Variants in KIF26B observed in about 807,000 individuals in gnomAD.
The protein encoded by KIF26B is kinesin-like protein KIF26B.
KIF26B carries 63 observed loss-of-function variants against 151.2 expected under a neutral mutation model. The ratio of observed to expected loss-of-function variants is 0.42; its 90% confidence interval spans 0.34 to 0.51. KIF26B has a LOEUF of 0.51. KIF26B is among the 20% of genes least tolerant of loss of function. The probability of loss-of-function intolerance (pLI) is 0.07; values close to 1 mark genes in which losing one functional copy is unlikely to be tolerated. For missense variants in KIF26B, 2,813 were observed against 2,913.6 expected (o/e 0.97, Z 0.79); for synonymous variants, 1,357 against 1,262.1 (o/e 1.08, Z -1.59).
chr1:245,371,786 A>C (rs1398876052), intron 3 of KIF26B: 1 of 151,984 alleles, frequency 6.6e-6, no homozygotes, highest in Non-Finnish European at 1.5e-5. Context: ...AGGAACCTGT[A>C]AGCATCACAG....
rs3008474 is a variant in KIF26B at position 245,244,641 on chromosome 1, G to A, written c.465+87958G>A. 0.98 allele frequency among the ~76,000 whole-genome samples: 148,516 copies of A among 152,148 alleles called. 72,569 individuals are homozygous for A. Among genetic ancestry groups the A allele is most frequent in the Non-Finnish European group, 1 (67,988 of 68,024 alleles). ...ACCCTCCCCTCCCCTGACTTCCAATGTGACACCCGTCTTCTCTGTCCTCTC... is the reference window on the plus strand; with the variant it reads ...ACCCTCCCCTCCCCTGACTTCCAATATGACACCCGTCTTCTCTGTCCTCTC... On this transcript the variant is annotated intron_variant, in intron 2 of 14. Transcript: ENST00000407071. The surrounding 1 kb of genome is among the most constrained non-coding windows in gnomAD (Gnocchi z 4.2).
intron 4 of KIF26B, among the ~76,000 whole-genome samples, chr1:245,461,933 G>A (rs974050009): frequency 6.6e-6 from 1 of 152,090 alleles, no homozygotes; most frequent in Non-Finnish European, 1.5e-5. Flanking sequence ...TGGCAACATG[G>A]TGAGACCCTG....
intron 2 of KIF26B, among the ~76,000 whole-genome samples, chr1:245,216,869 T>C (rs1669657069): frequency 6.6e-6 from 1 of 152,240 alleles, no homozygotes; most frequent in African/African-American, 2.4e-5. Flanking sequence ...TGCAGTTTTT[T>C]GAAGTGTTTA....
At chr1:245,566,863 G>A (rs1267232886) in intron 5 of KIF26B, among the ~76,000 whole-genome samples, 3 of 152,194 alleles carry the variant, frequency 2.0e-5, no homozygotes, top group Non-Finnish European at 1.5e-5. Flanking sequence ...GGAGATGGAG[G>A]TTGCAGAAAG....
At chr1:245,544,792 G>A (rs1661701114) in intron 5 of KIF26B, among the ~76,000 whole-genome samples, 1 of 152,200 alleles carries the variant, frequency 6.6e-6, no homozygotes, top group Admixed American at 6.5e-5. Flanking sequence ...AGGATTGGGA[G>A]AGGAAGGGGA....
In KIF26B at chr1:245,667,398, C is replaced by T. The variant is rs1476068683; in HGVS notation, c.2259-16835C>T. ...TTCGCCATGTGTCCCAGGCTGGTCT[C>T]AAACTCCTGGATTCAGACAATCTGC... On this transcript the variant is annotated intron_variant, in intron 10 of 14. Coordinates refer to ENST00000407071, the MANE Select transcript of KIF26B (RefSeq NM_018012.4). The surrounding 1 kb of genome is among the most constrained non-coding windows in gnomAD (Gnocchi z 4.3). Among the ~76,000 whole-genome samples the T allele has an allele frequency of 6.6e-6, 1 of 152,028 alleles. No individual in the cohort carries two copies. The highest frequency in any genetic ancestry group is 1.5e-5 in the Non-Finnish European group (1 of 68,012).
chr1:245,577,762 TTTGTGGAGCTCCGGGCGATGCATCC>T (rs1444710415), intron 5 of KIF26B, among the ~76,000 whole-genome samples: 54 of 143,098 alleles, frequency 3.8e-4, no homozygotes, highest in African/African-American at 1.4e-3. Context: ...CCGGAAGAGC[TTTGTGGAGCTCCGGGCGATGCATCC>T]CCTCACCGGA....
rs550879981 is a variant in KIF26B at position 245,168,287 on chromosome 1, C to T, written c.465+11604C>T. On this transcript the variant is annotated intron_variant, in intron 2 of 14. Transcript: ENST00000407071. ...CAGCCGCCGCAGCGACCTCCTTGTCCGTCCAGCCAAGGGGAGGGACCGGAA... is the reference window on the plus strand; with the variant it reads ...CAGCCGCCGCAGCGACCTCCTTGTCTGTCCAGCCAAGGGGAGGGACCGGAA... Among the ~76,000 whole-genome samples, 5 of 152,312 alleles carry T rather than the reference C, an allele frequency of 3.3e-5. No individual in the cohort carries two copies. The East Asian group carries it at 9.6e-4, about 29-fold the overall frequency.
intron 4 of KIF26B, among the ~76,000 whole-genome samples, chr1:245,455,254 C>T (rs563986274): frequency 7.2e-5 from 11 of 152,252 alleles, no homozygotes; most frequent in African/African-American, 2.2e-4. Flanking sequence ...GCCCGTAATC[C>T]GAGCACTTTG....
intron 10 of KIF26B, among the ~76,000 whole-genome samples, chr1:245,669,625 G>C (rs180783286): frequency 1.3e-5 from 2 of 152,110 alleles, no homozygotes; most frequent in African/African-American, 4.8e-5. Context: ...ACCCCAAGAA[G>C]GTACCACTTC....
rs80286861 is a variant in KIF26B at position 245,304,699 on chromosome 1, C to A, written c.466-62135C>A. Among the ~76,000 whole-genome samples the A allele has an allele frequency of 2.9e-3, 430 of 150,650 alleles. 6 individuals are homozygous for A. In the East Asian group the frequency reaches 0.049, roughly 17 times the overall value. The stretch of plus-strand genomic sequence containing the variant: ...TGTCCATCCATCCATACGTCCATCC[C>A]TCCATCCATCCATCCATCCATCCAT... On this transcript the variant is annotated intron_variant, in intron 2 of 14. Transcript: ENST00000407071.
At chr1:245,337,519 TGTG>T (rs978892859) in intron 2 of KIF26B, among the ~76,000 whole-genome samples, 10 of 2,354 alleles carry the variant, frequency 4.2e-3, no homozygotes, top group African/African-American at 0.016. Flanking sequence ...ACTTAGGAAA[TGTG>T]TGTGTGTGTG....
At chr1:245,192,241 G>A in intron 2 of KIF26B, among the ~76,000 whole-genome samples, 1 of 149,610 alleles carries the variant, frequency 6.7e-6, no homozygotes, top group South Asian at 2.1e-4. Context: ...TGTTTCCCAT[G>A]TTTCAGGGGA....
At chr1:245,695,715 G>T (rs1480385791) in intron 12 of KIF26B, among the ~76,000 whole-genome samples, 2 of 152,244 alleles carry the variant, frequency 1.3e-5, no homozygotes, top group Non-Finnish European at 2.9e-5. Context: ...CTGTGAAGCT[G>T]TTGTAGCCCA....
At position 245,174,879 on chromosome 1, in the gene KIF26B, G is replaced by C. The variant is rs148672303; in HGVS notation, c.465+18196G>C. ...ATTGAAATTTATTTACCTTTTTGCA[G>C]GTGTCTCATGCTTCCTCGGTTAAGG... On this transcript the variant is annotated intron_variant, in intron 2 of 14. Transcript: ENST00000407071. 1.9e-3 allele frequency among the ~76,000 whole-genome samples: 286 copies of C among 152,222 alleles called. 1 individual carries two copies. The highest frequency in any genetic ancestry group is 6.6e-3 in the African/African-American group (276 of 41,532).
intron 2 of KIF26B, among the ~76,000 whole-genome samples, chr1:245,238,878 A>G (rs769821505): frequency 6.6e-6 from 1 of 151,908 alleles, no homozygotes; most frequent in Non-Finnish European, 1.5e-5. Context: ...AAAACAAAAC[A>G]AAAAAACCCC....
intron 4 of KIF26B, among the ~76,000 whole-genome samples, chr1:245,444,342 G>A (rs1171195538): frequency 6.6e-6 from 1 of 152,214 alleles, no homozygotes; most frequent in African/African-American, 2.4e-5. Flanking sequence ...GCAGGCCTTT[G>A]AGAAAGAGGC....
intron 2 of KIF26B, among the ~76,000 whole-genome samples, chr1:245,161,304 A>T (rs1199455802): frequency 6.6e-6 from 1 of 152,242 alleles, no homozygotes. Context: ...ATTCTACCAG[A>T]CTATTAATTG....
intron 10 of KIF26B, among the ~76,000 whole-genome samples, chr1:245,657,730 A>T (rs1328991350): frequency 1.3e-5 from 2 of 152,012 alleles, no homozygotes; most frequent in Non-Finnish European, 2.9e-5. Context: ...TCACTCACTC[A>T]TTCATTCATT....
Sources: allele counts gnomAD v4.1 joint callset (sites outside exome capture counted in the v4.1 genomes callset), GRCh38; gene constraint gnomAD v4.1.1; non-coding constraint Gnocchi (gnomAD v3.1); transcripts MANE v1.5; gene names NCBI Gene and HGNC (gene_info 2026-07-23, HGNC 2026-07-21).